Variants in C10orf90 observed in about 807,000 individuals in gnomAD.
The protein encoded by C10orf90 is chromosome 10 open reading frame 90, also known as (E2-independent) E3 ubiquitin-conjugating enzyme FATS.
In C10orf90, 56 loss-of-function variants were observed where a neutral mutation model predicts 62.5. The observed-to-expected ratio is 0.90, with a 90% confidence interval of 0.72 to 1.12. The LOEUF (loss-of-function observed/expected upper bound fraction) is 1.12, where lower values mean the gene tolerates loss of function less well. Among genes scored for constraint, C10orf90 ranks in the 50% most tolerant of loss-of-function variants. The pLI is 0.00. For synonymous variants in C10orf90, 386 were observed against 340.4 expected (o/e 1.13, Z -1.47); for missense variants, 970 against 880.4 (o/e 1.10, Z -1.29).
chr10:126,573,827 C>T (rs1844557772), intron 2 of C10orf90, among the ~76,000 whole-genome samples: 1 of 152,090 alleles, frequency 6.6e-6, no homozygotes. Context: ...AGAGCTCTAA[C>T]TTTGCTTTTT....
At chr10:126,541,630 T>C (rs977960155) in intron 2 of C10orf90, among the ~76,000 whole-genome samples, 3 of 152,068 alleles carry the variant, frequency 2.0e-5, no homozygotes, top group African/African-American at 7.2e-5. Context: ...AGAATGCAAA[T>C]CAATACTGCA....
Position 126,504,582 on chromosome 10 carries a change from C to T in C10orf90, c.909G>A (p.Arg303=). ...CAGTGTGGGCCTCGGGAACCTTCAG[C>T]CGCACCACGGAGCTGTTTCTGGAGA... ...TEFSRNSSVV[R]LKVPEAHTGL... Residue 303 remains arginine (R), a synonymous_variant, in exon 4 of 10, where the codon CGG becomes CGA. Coordinates refer to ENST00000488181, the MANE Select transcript of C10orf90 (RefSeq NM_001350921.2). This position sits in a 1 kb window ranked among gnomAD's most constrained non-coding sequence, Gnocchi z 4.1. The T allele has an allele frequency of 6.2e-7, 1 of 1,614,176 alleles. No individual in the cohort carries two copies. Among genetic ancestry groups the T allele is most frequent in the Non-Finnish European group, 8.5e-7 (1 of 1,180,020 alleles).
At chr10:126,451,599 A>T (rs1859197211) in intron 7 of C10orf90, among the ~76,000 whole-genome samples, 1 of 152,066 alleles carries the variant, frequency 6.6e-6, no homozygotes, top group African/African-American at 2.4e-5. Flanking sequence ...TGATATATAT[A>T]TATCCATATG....
chr10:126,466,285 G>A (rs531640320), intron 4 of C10orf90, among the ~76,000 whole-genome samples: 4 of 152,032 alleles, frequency 2.6e-5, no homozygotes, highest in East Asian at 1.9e-4. Flanking sequence ...AGGCCGAGGC[G>A]GGTGGATCAC....
intron 1 of C10orf90, among the ~76,000 whole-genome samples, chr10:126,664,185 T>C (rs1445828696): frequency 1.3e-5 from 2 of 152,112 alleles, no homozygotes; most frequent in African/African-American, 2.4e-5. Context: ...GCCAAGAATA[T>C]AGAAGGTCAT....
intron 2 of C10orf90, among the ~76,000 whole-genome samples, chr10:126,578,656 G>A (rs1051229533): frequency 6.6e-6 from 1 of 152,160 alleles, no homozygotes; most frequent in African/African-American, 2.4e-5. Context: ...ACACGTATAA[G>A]AATGTACATC....
chr10:126,482,893 G>C (rs1435997092), intron 4 of C10orf90, among the ~76,000 whole-genome samples: 1 of 152,212 alleles, frequency 6.6e-6, no homozygotes, highest in Non-Finnish European at 1.5e-5. Flanking sequence ...TGGAAAAGGA[G>C]TTAAGGAACA....
At chr10:126,622,412 C>T (rs796274616) in intron 2 of C10orf90, among the ~76,000 whole-genome samples, 7 of 152,342 alleles carry the variant, frequency 4.6e-5, no homozygotes, top group African/African-American at 1.7e-4. Flanking sequence ...AGCCCAGGTA[C>T]TCCATGACAC....
intron 4 of C10orf90, among the ~76,000 whole-genome samples, chr10:126,476,297 A>G (rs1183683319): frequency 1.3e-5 from 2 of 152,108 alleles, no homozygotes; most frequent in East Asian, 1.9e-4. Context: ...CATCAACCCA[A>G]ATTCTCAGCT....
At chr10:126,590,244 G>A (rs1249472623) in intron 2 of C10orf90, among the ~76,000 whole-genome samples, 1 of 152,112 alleles carries the variant, frequency 6.6e-6, no homozygotes. Context: ...AATAGTGGGA[G>A]ACTTTAACAC....
At chr10:126,491,801 C>T (rs1311011883) in intron 4 of C10orf90, among the ~76,000 whole-genome samples, 1 of 152,164 alleles carries the variant, frequency 6.6e-6, no homozygotes, top group African/African-American at 2.4e-5. Context: ...AGAAAAATAA[C>T]AAATTATCTC....
intron 1 of C10orf90, among the ~76,000 whole-genome samples, chr10:126,652,779 A>G (rs544817784): frequency 2.0e-5 from 3 of 152,326 alleles, no homozygotes; most frequent in East Asian, 3.9e-4. Flanking sequence ...ACTATTTCGT[A>G]TATGAAAGAG....
intron 2 of C10orf90, among the ~76,000 whole-genome samples, chr10:126,641,626 T>C (rs888844267): frequency 8.6e-5 from 13 of 151,886 alleles, no homozygotes; most frequent in Non-Finnish European, 1.9e-4. Context: ...CCTCAATCCA[T>C]AGACCAAGCA....
At chr10:126,548,983 GACC>G (rs1170207048) in intron 2 of C10orf90, among the ~76,000 whole-genome samples, 4 of 152,048 alleles carry the variant, frequency 2.6e-5, no homozygotes, top group African/African-American at 9.7e-5. Flanking sequence ...AATAATCCTT[GACC>G]TAAATCTCAC....
intron 7 of C10orf90, among the ~76,000 whole-genome samples, chr10:126,451,042 T>C (rs372482681): frequency 1.9e-4 from 29 of 150,968 alleles, no homozygotes; most frequent in African/African-American, 6.8e-4. Context: ...AGTACCTGAG[T>C]AGAGATTTCT....
At chr10:126,607,080 C>T (rs143434544) in intron 2 of C10orf90, among the ~76,000 whole-genome samples, 39 of 152,214 alleles carry the variant, frequency 2.6e-4, no homozygotes, top group South Asian at 6.2e-4. Context: ...CAGATGGGTG[C>T]GGAAGTCATG....
chr10:126,529,056 A>C (rs1864025457), intron 2 of C10orf90, among the ~76,000 whole-genome samples: 1 of 152,228 alleles, frequency 6.6e-6, no homozygotes. Flanking sequence ...ACCCTCACAT[A>C]TATGGAAATG....
intron 5 of C10orf90, among the ~76,000 whole-genome samples, chr10:126,461,810 T>C (rs1188254231): frequency 6.6e-6 from 1 of 152,162 alleles, no homozygotes; most frequent in Non-Finnish European, 1.5e-5. Context: ...CAGCTAATTA[T>C]GCCAGGGAGG....
At chr10:126,519,402 T>C (rs2133935473) in intron 2 of C10orf90, among the ~76,000 whole-genome samples, 1 of 152,302 alleles carries the variant, frequency 6.6e-6, no homozygotes, top group Admixed American at 6.5e-5. Context: ...ATGTATTGCC[T>C]CATGAATCGA....
Sources: gnomAD v4.1 joint callset for allele counts (sites outside exome capture counted in the v4.1 genomes callset) on GRCh38, gnomAD v4.1.1 for gene constraint, Gnocchi (gnomAD v3.1) non-coding constraint, MANE v1.5 for transcripts, NCBI Gene and HGNC (gene_info 2026-07-23, HGNC 2026-07-21) for gene names.